The following LUZP2 variants were observed in gnomAD, a reference collection of about 807,000 sequenced individuals.
The protein encoded by LUZP2 is leucine zipper protein 2.
A neutral mutation model predicts 51.6 loss-of-function variants in LUZP2; 52 were observed. That is an observed-to-expected ratio of 1.01 (90% confidence interval 0.81 to 1.27). LUZP2 has a LOEUF of 1.27. Among genes scored for constraint, LUZP2 ranks in the 50% most tolerant of loss-of-function variants. The pLI is 0.00. For synonymous variants in LUZP2, 154 were observed against 137.3 expected, an observed-to-expected ratio of 1.12 and a Z score of -0.85; for missense variants, 436 against 395.4, an observed-to-expected ratio of 1.10 and a Z score of -0.87.
intron 7 of LUZP2, among the ~76,000 whole-genome samples, chr11:24,926,304 C>T (rs186568274): frequency 0.02 from 796 of 39,140 alleles, 28 homozygotes; most frequent in Middle Eastern, 0.083. Context: ...TATATATATA[C>T]GTGTGTATAT....
intron 9 of LUZP2, among the ~76,000 whole-genome samples, chr11:25,019,637 C>A (rs1365791325): frequency 6.6e-6 from 1 of 152,092 alleles, no homozygotes; most frequent in East Asian, 1.9e-4. Flanking sequence ...TTGATCCGTT[C>A]AACTCAATAG....
At chr11:24,918,755 A>G (rs946741658) in intron 7 of LUZP2, among the ~76,000 whole-genome samples, 3 of 150,324 alleles carry the variant, frequency 2.0e-5, no homozygotes, top group African/African-American at 7.3e-5. Context: ...ATATTTTAAC[A>G]TATTTTATAT....
At chr11:24,777,518 C>G (rs1026724859) in intron 5 of LUZP2, among the ~76,000 whole-genome samples, 1 of 152,034 alleles carries the variant, frequency 6.6e-6, no homozygotes, top group Non-Finnish European at 1.5e-5. Context: ...ATATATTATC[C>G]TAGTGGATTC....
At chr11:24,822,634 C>G (rs1025909013) in intron 5 of LUZP2, among the ~76,000 whole-genome samples, 2 of 152,102 alleles carry the variant, frequency 1.3e-5, no homozygotes, top group Non-Finnish European at 2.9e-5. Flanking sequence ...GATGTTTATT[C>G]GTGGATGAAT....
intron 7 of LUZP2, among the ~76,000 whole-genome samples, chr11:24,919,550 TTATA>T (rs1853952279): frequency 7.0e-6 from 1 of 143,484 alleles, no homozygotes; most frequent in Non-Finnish European, 1.5e-5. Context: ...TATGTATTCT[TTATA>T]TATATTCATA....
chr11:24,672,307 C>A (rs1856424161), intron 1 of LUZP2, among the ~76,000 whole-genome samples: 1 of 152,036 alleles, frequency 6.6e-6, no homozygotes, highest in Admixed American at 6.6e-5. Flanking sequence ...TACTAAACAT[C>A]AAAAGATACT....
intron 4 of LUZP2, among the ~76,000 whole-genome samples, chr11:24,756,200 G>A (rs367894440): frequency 6.6e-6 from 1 of 152,054 alleles, no homozygotes; most frequent in Admixed American, 6.6e-5. Context: ...TTTTCAGACC[G>A]AACCAATGTG....
intron 10 of LUZP2, among the ~76,000 whole-genome samples, chr11:25,061,107 A>G (rs1858823420): frequency 6.7e-6 from 1 of 150,048 alleles, no homozygotes; most frequent in Non-Finnish European, 1.5e-5. Flanking sequence ...TAGGAAATAG[A>G]GTTGGGACTC....
intron 1 of LUZP2, among the ~76,000 whole-genome samples, chr11:24,653,862 A>C (rs1162586717): frequency 3.3e-5 from 5 of 152,194 alleles, no homozygotes; most frequent in Admixed American, 3.3e-4. Context: ...AAAAGTGACC[A>C]TTGGTTTTAG....
intron 5 of LUZP2, among the ~76,000 whole-genome samples, chr11:24,841,737 T>C (rs1851038685): frequency 6.6e-6 from 1 of 152,104 alleles, no homozygotes; most frequent in South Asian, 2.1e-4. Flanking sequence ...GGCACATAGA[T>C]ATTCTAGGCC....
chr11:24,703,647 ACT>A (rs1328439835), intron 1 of LUZP2, among the ~76,000 whole-genome samples: 1 of 150,572 alleles, frequency 6.6e-6, no homozygotes, highest in East Asian at 2.0e-4. Context: ...ACATGGTGAC[ACT>A]CTGTCTTTAC....
Position 24,892,276 on chromosome 11 carries a change from T to A in LUZP2, c.397-13715T>A, listed in dbSNP as rs1028720283. The A allele has an allele frequency of 2.7e-5, 27 of 985,316 alleles. No homozygotes were observed. In the African/African-American group the frequency reaches 4.7e-4, roughly 17 times the overall value. The allele number at this position is 985,316 out of a possible 1,614,324, so 61.0% of individuals were successfully genotyped here. Reference sequence around the variant, plus strand: ...TGTGGCTGTGAACTGGACCATCTGCTATAGGAAGGAGCACCTGAAGACTTG... The same window carrying A: ...TGTGGCTGTGAACTGGACCATCTGCAATAGGAAGGAGCACCTGAAGACTTG... On this transcript the variant is annotated intron_variant, in intron 5 of 11. Transcript: ENST00000336930.
At chr11:24,931,079 C>T (rs1313336984) in intron 7 of LUZP2, among the ~76,000 whole-genome samples, 10 of 151,744 alleles carry the variant, frequency 6.6e-5, no homozygotes, top group African/African-American at 1.9e-4. Context: ...GGCATGGTGG[C>T]GCGTGCCTGT....
Position 24,936,559 on chromosome 11 carries a change from C to T in LUZP2, c.522+22021C>T, listed in dbSNP as rs185377241. ...AAGGCAATTTTTTTTTTTCCTTATA[C>T]AATAATGACTGTTGGAGAAGCCCCT... On this transcript the variant is annotated intron_variant, in intron 7 of 11. Transcript: ENST00000336930. Among the ~76,000 whole-genome samples the T allele has an allele frequency of 6.2e-3, 942 of 151,114 alleles. 13 individuals carry two copies. The highest frequency in any genetic ancestry group is 0.022 in the African/African-American group (904 of 41,178).
intron 1 of LUZP2, among the ~76,000 whole-genome samples, chr11:24,696,713 C>T (rs1857259146): frequency 6.6e-6 from 1 of 151,774 alleles, no homozygotes; most frequent in Admixed American, 6.6e-5. Context: ...AAAAACAAAT[C>T]AGGTTTGATA....
chr11:24,650,171 G>A (rs1855584681), intron 1 of LUZP2, among the ~76,000 whole-genome samples: 1 of 151,876 alleles, frequency 6.6e-6, no homozygotes, highest in African/African-American at 2.4e-5. Flanking sequence ...ACAGATACAT[G>A]CTGTACACAG....
chr11:24,880,706 G>T (rs79893382), intron 5 of LUZP2, among the ~76,000 whole-genome samples: 2 of 151,936 alleles, frequency 1.3e-5, no homozygotes, highest in African/African-American at 4.8e-5. Context: ...TTCTCTACAC[G>T]TGTTAGATTA....
At chr11:24,923,976 A>G (rs1314301727) in intron 7 of LUZP2, among the ~76,000 whole-genome samples, 1 of 151,930 alleles carries the variant, frequency 6.6e-6, no homozygotes, top group African/African-American at 2.4e-5. Flanking sequence ...CTGTTATTCT[A>G]CCCTCTCTTT....
chr11:24,987,761 C>G (rs538067864), intron 9 of LUZP2, among the ~76,000 whole-genome samples: 2 of 151,876 alleles, frequency 1.3e-5, no homozygotes, highest in South Asian at 4.1e-4. Flanking sequence ...GATCAAGGTA[C>G]ATTTTTCTTT....
Sources: allele counts gnomAD v4.1 joint callset (sites outside exome capture counted in the v4.1 genomes callset), GRCh38; gene constraint gnomAD v4.1.1; transcripts MANE v1.5; gene names NCBI Gene and HGNC (gene_info 2026-07-23, HGNC 2026-07-21).